ANKRD30B: variants seen among roughly 807,000 people sequenced by gnomAD.
The protein encoded by ANKRD30B is ankyrin repeat domain-containing protein 30B.
In ANKRD30B, 144 loss-of-function variants were observed where a neutral mutation model predicts 202.2. That is an observed-to-expected ratio of 0.71 (90% confidence interval 0.62 to 0.82). The LOEUF is 0.82. ANKRD30B is among the 40% of genes least tolerant of loss of function. ANKRD30B has a pLI of 0.00. For missense variants in ANKRD30B, 1,487 were observed against 1,669.1 expected (o/e 0.89, Z 1.90); for synonymous variants, 508 against 561.3 (o/e 0.91, Z 1.34).
intron 5 of ANKRD30B, among the ~76,000 whole-genome samples, chr18:14,759,733 T>G (rs1242116448): frequency 6.6e-6 from 1 of 152,212 alleles, no homozygotes; most frequent in African/African-American, 2.4e-5. Flanking sequence ...TTATCCAATG[T>G]AATGAATTAA....
intron 16 of ANKRD30B, among the ~76,000 whole-genome samples, chr18:14,795,653 A>C (rs1464867659): frequency 6.6e-6 from 1 of 152,238 alleles, no homozygotes; most frequent in Admixed American, 6.5e-5. Context: ...TTCTATAAGT[A>C]GATATTTATG....
In ANKRD30B at chr18:14,796,261, T is replaced by C. The variant is rs769977975; in HGVS notation, c.1854+12T>C. 1.2e-6 allele frequency: 2 copies of C among 1,608,184 alleles called. No individual in the cohort carries two copies. Among genetic ancestry groups the C allele is most frequent in the African/African-American group, 1.3e-5 (1 of 74,830 alleles). On this transcript the variant is annotated intron_variant, in intron 17 of 43. Coordinates refer to ENST00000690538, the MANE Select transcript of ANKRD30B (RefSeq NM_001367607.2). ...ATGGTCTTCTGAAGGTAATAACTTT[T>C]ATATTGCTATCTTGAATACTAACTA... is the stretch of plus-strand genomic sequence containing the variant.
Position 14,785,474 on chromosome 18 carries a change from CA to C in ANKRD30B, c.1672+940del, listed in dbSNP as rs532089238. ...GATAAGTAATAAATAAAAATGAAAACATGCAGATTTCCAAGTCTTTAAAAAG... is the reference window on the plus strand; with the variant it reads ...GATAAGTAATAAATAAAAATGAAAACTGCAGATTTCCAAGTCTTTAAAAAG... On this transcript the variant is annotated intron_variant, in intron 14 of 43. Coordinates refer to ENST00000690538, the MANE Select transcript of ANKRD30B (RefSeq NM_001367607.2). Among the ~76,000 whole-genome samples, 213 of 152,254 alleles carry C rather than the reference CA, an allele frequency of 1.4e-3. 2 individuals carry two copies. The highest frequency in any genetic ancestry group is 4.8e-3 in the African/African-American group (200 of 41,562).
At chr18:14,792,670 A>G (rs557958688) in intron 16 of ANKRD30B, among the ~76,000 whole-genome samples, 81 of 151,972 alleles carry the variant, frequency 5.3e-4, no homozygotes, top group African/African-American at 1.8e-3. Flanking sequence ...CATGAGGATT[A>G]CTAGAATTGG....
chr18:14,798,812 T>C (rs1969109867), intron 20 of ANKRD30B, among the ~76,000 whole-genome samples: 1 of 152,190 alleles, frequency 6.6e-6, no homozygotes, highest in South Asian at 2.1e-4. Flanking sequence ...CACTGTTGGC[T>C]CATTCTGGCA....
intron 34 of ANKRD30B, among the ~76,000 whole-genome samples, chr18:14,834,288 A>T (rs1971081499): frequency 6.6e-6 from 1 of 152,104 alleles, no homozygotes; most frequent in Non-Finnish European, 1.5e-5. Context: ...GTAAGAATAA[A>T]TTTTTGTCGT....
chr18:14,851,537 A>T lies in ANKRD30B; in HGVS notation c.3593A>T (p.Asp1198Val), dbSNP rs776656099. The T allele has an allele frequency of 2.2e-5, 34 of 1,553,592 alleles. No homozygotes were observed. The highest frequency in any genetic ancestry group is 2.9e-5 in the Non-Finnish European group (34 of 1,155,506). The part of the protein sequence containing the change: ...QVSHTHESEN[D>V]LFHENCMLKK... ...TCTCACACTCATGAAAGTGAAAATGATCTCTTTCATGAAAATTGCATGTTG... is the reference window on the plus strand; with the variant it reads ...TCTCACACTCATGAAAGTGAAAATGTTCTCTTTCATGAAAATTGCATGTTG... Residue 1198 changes from aspartate (D) to valine (V), a missense_variant, in exon 42 of 44, where the codon GAT becomes GTT. Around this residue, in one of 6 missense-constraint regions of ANKRD30B, gnomAD observed 177 missense variants for 216.4 expected, o/e 0.82. Transcript: ENST00000690538.
At chr18:14,761,353 TG>T (rs1237052841) in intron 6 of ANKRD30B, among the ~76,000 whole-genome samples, 1 of 152,190 alleles carries the variant, frequency 6.6e-6, no homozygotes, top group Non-Finnish European at 1.5e-5. Context: ...GCTGGCCCTG[TG>T]GGCATTTATT....
intron 14 of ANKRD30B, among the ~76,000 whole-genome samples, chr18:14,784,835 ACT>A (rs1188394367): frequency 1.3e-3 from 3 of 2,398 alleles, no homozygotes; most frequent in East Asian, 0.021. Flanking sequence ...GAATTTTGAA[ACT>A]CTAACTTTTT....
chr18:14,921,556 TA>T, the ANKRD30B span, among the ~76,000 whole-genome samples: 40 of 120,124 alleles, frequency 3.3e-4, no homozygotes, highest in African/African-American at 1.1e-3. Flanking sequence ...ATCTATGTAG[TA>T]AAAAGGGAAA....
At chr18:14,915,111 T>G in the ANKRD30B span, among the ~76,000 whole-genome samples, 28 of 151,728 alleles carry the variant, frequency 1.8e-4, no homozygotes, top group Admixed American at 5.3e-4. Context: ...ATCTCCATGC[T>G]CCCCCCACTA....
intron 29 of ANKRD30B, among the ~76,000 whole-genome samples, 183 bp from the exon 30 acceptor site, chr18:14,814,438 G>A (rs1353761054): frequency 1.2e-5 from 1 of 82,294 alleles, no homozygotes; most frequent in African/African-American, 6.2e-5. Context: ...AGTTGATGTG[G>A]AGAGTGTTAT....
At chr18:14,885,264 T>C in the ANKRD30B span, among the ~76,000 whole-genome samples, 6 of 152,178 alleles carry the variant, frequency 3.9e-5, no homozygotes, top group African/African-American at 9.6e-5. Context: ...AGTTGGATTA[T>C]GGGAGGCAAA....
At chr18:14,865,167 C>T in the ANKRD30B span, among the ~76,000 whole-genome samples, 1 of 151,502 alleles carries the variant, frequency 6.6e-6, no homozygotes, top group Non-Finnish European at 1.5e-5. Flanking sequence ...TCTTTCTACA[C>T]TTTCTTTTCT....
At chr18:14,789,589 A>T (rs1487710426) in intron 15 of ANKRD30B, among the ~76,000 whole-genome samples, 11 of 152,236 alleles carry the variant, frequency 7.2e-5, no homozygotes, top group Admixed American at 7.2e-4. Flanking sequence ...GAAGGGATCC[A>T]GTTTCAGCTT....
intron 24 of ANKRD30B, among the ~76,000 whole-genome samples, chr18:14,805,393 G>A (rs1283477050): frequency 6.6e-6 from 1 of 150,932 alleles, no homozygotes. Context: ...TAAATTTGCT[G>A]TTCCTGATGA....
At chr18:14,927,185 A>G in the ANKRD30B span, among the ~76,000 whole-genome samples, 35 of 152,300 alleles carry the variant, frequency 2.3e-4, no homozygotes, top group African/African-American at 8.4e-4. Context: ...ATTTAGGTAA[A>G]GGCACAAATT....
intron 16 of ANKRD30B, among the ~76,000 whole-genome samples, chr18:14,795,094 C>G (rs1968785279): frequency 6.6e-6 from 1 of 152,194 alleles, no homozygotes; most frequent in Non-Finnish European, 1.5e-5. Flanking sequence ...AACAATAAAA[C>G]TGTTATTTTC....
intron 39 of ANKRD30B, among the ~76,000 whole-genome samples, chr18:14,846,755 T>G (rs1971654908): frequency 6.6e-6 from 1 of 152,046 alleles, no homozygotes; most frequent in African/African-American, 2.4e-5. Context: ...CAGCCTTCTT[T>G]TTTCAAGTGT....
Sources: gnomAD v4.1 joint callset for allele counts (sites outside exome capture counted in the v4.1 genomes callset) on GRCh38, gnomAD v4.1.1 for gene constraint, gnomAD v4.1.1 regional missense constraint, MANE v1.5 for transcripts, NCBI Gene and HGNC (gene_info 2026-07-23, HGNC 2026-07-21) for gene names.